MYH10: variants seen among roughly 807,000 people sequenced by gnomAD.
MYH10 encodes the protein myosin-10.
Under a neutral mutation model 257.8 loss-of-function variants are expected in MYH10, and 55 were observed. That is an observed-to-expected ratio of 0.21 (90% CI 0.17 to 0.27). MYH10 has a LOEUF of 0.27. Ranked by LOEUF, MYH10 falls within the 10% of genes least tolerant of loss-of-function variation. The pLI, the probability that MYH10 is intolerant of heterozygous loss-of-function variation, is 1.00. For missense variants in MYH10, 1,631 were observed against 2,500.6 expected (o/e 0.65, Z 7.42); for synonymous variants, 854 against 921.7 (o/e 0.93, Z 1.33).
At position 8,583,422 on chromosome 17, in the gene MYH10, A is replaced by G. The variant is rs184056330; in HGVS notation, c.530+5659T>C. ...ACTAAATAATACCTTTTTTTTTTTA[A>G]CAAGAGGAAAGGCATACAAATTCAT... On this transcript the variant is annotated intron_variant, in intron 4 of 42. Transcript: ENST00000360416. Among the ~76,000 whole-genome samples, 255 of 151,632 alleles carry G rather than the reference A, an allele frequency of 1.7e-3. 1 individual carries two copies. The highest frequency in any genetic ancestry group is 5.8e-3 in the African/African-American group (242 of 41,406).
intron 3 of MYH10, among the ~76,000 whole-genome samples, chr17:8,593,641 G>A (rs377058734): frequency 6.6e-6 from 1 of 152,140 alleles, no homozygotes; most frequent in East Asian, 1.9e-4. Flanking sequence ...TGAAGTATAC[G>A]CAACATCTCT....
chr17:8,599,669 C>T (rs894256744), intron 3 of MYH10, among the ~76,000 whole-genome samples: 1 of 152,228 alleles, frequency 6.6e-6, no homozygotes, highest in African/African-American at 2.4e-5. Context: ...GTGGAAGGAA[C>T]TAACTTTCTT....
rs113331444 is a variant in MYH10 at position 8,545,335 on chromosome 17, G to T, written c.1431+113C>A. The T allele has an allele frequency of 8.7e-7, 1 of 1,148,050 alleles. No individual in the cohort carries two copies. Among genetic ancestry groups the T allele is most frequent in the Non-Finnish European group, 1.3e-6 (1 of 798,120 alleles). 71.1% of individuals were successfully genotyped at this position (1,148,050 alleles called of 1,614,324 possible). On this transcript the variant is annotated intron_variant, in intron 13 of 42. Transcript: ENST00000360416. This position sits in a 1 kb window ranked among gnomAD's most constrained non-coding sequence, Gnocchi z 4.7. The stretch of plus-strand genomic sequence containing the variant: ...TTTATTGTTTGGCTCTACTAGAATG[G>T]CAGGGACTGTATCCCTGGTGCCTCG...
rs867914514 is a variant in MYH10 at position 8,512,937 on chromosome 17, A to C, written c.2746-280T>G. Among the ~76,000 whole-genome samples, 3 of 152,180 alleles carry C rather than the reference A, an allele frequency of 2.0e-5. No homozygotes were observed. In the East Asian group the frequency reaches 5.8e-4, roughly 29 times the overall value. ...TTTACAAGGGACAGATAAATAGGAG[A>C]GTGAAAATATTATTCAAATGCCATA... On this transcript the variant is annotated intron_variant, in intron 23 of 42. Transcript: ENST00000360416.
chr17:8,592,964 T>TATATATATATATAA (rs1567953199), intron 3 of MYH10, among the ~76,000 whole-genome samples: 6 of 119,880 alleles, frequency 5.0e-5, no homozygotes, highest in Middle Eastern at 4.0e-3. Flanking sequence ...TATATATATA[T>TATATATATATATAA]ATATATAAAA....
rs376177985 is a variant in MYH10, at chr17:8,604,192, C to G, written c.502+634G>C. Among the ~76,000 whole-genome samples the G allele has an allele frequency of 1.9e-4, 28 of 150,298 alleles. No homozygotes were observed. In the East Asian group the frequency reaches 2.9e-3, roughly 16 times the overall value. The stretch of plus-strand genomic sequence containing the variant: ...GTTATTACAGAAGATTGGGTTTTCA[C>G]GTAGCACCAGGAACTCCCATGTTTA... On this transcript the variant is annotated intron_variant, in intron 3 of 42. Transcript: ENST00000360416.
intron 2 of MYH10, among the ~76,000 whole-genome samples, chr17:8,615,448 T>C (rs1161044992): frequency 6.6e-6 from 1 of 152,178 alleles, no homozygotes; most frequent in African/African-American, 2.4e-5. Context: ...TCATTTGATA[T>C]AACCAGCATA....
At chr17:8,618,943 C>T (rs760365125) in intron 2 of MYH10, among the ~76,000 whole-genome samples, 2 of 152,136 alleles carry the variant, frequency 1.3e-5, no homozygotes, top group Non-Finnish European at 2.9e-5. Context: ...GTGACAGGCT[C>T]GTTTTGTTCA....
At chr17:8,481,662 C>T (rs77335253) in intron 37 of MYH10, among the ~76,000 whole-genome samples, 1 of 152,164 alleles carries the variant, frequency 6.6e-6, no homozygotes, top group African/African-American at 2.4e-5. Context: ...TTTGCTGTCA[C>T]CTCCAACGTA....
intron 4 of MYH10, 39 bp from the exon 5 acceptor site, chr17:8,577,377 C>A (rs763142299): frequency 7.4e-7 from 1 of 1,345,182 alleles, no homozygotes; most frequent in Admixed American, 1.8e-5. Flanking sequence ...TTAACGAAAG[C>A]ACAGCACATG....
At chr17:8,557,942 C>T (rs1296843513) in intron 7 of MYH10, among the ~76,000 whole-genome samples, 2 of 152,150 alleles carry the variant, frequency 1.3e-5, no homozygotes, top group Admixed American at 1.3e-4. Flanking sequence ...GATTTTATGC[C>T]ATCAAATTTA....
chr17:8,496,561 T>G (rs1288318917), intron 30 of MYH10, among the ~76,000 whole-genome samples: 1 of 152,182 alleles, frequency 6.6e-6, no homozygotes, highest in Non-Finnish European at 1.5e-5. Flanking sequence ...GCCTAGCACA[T>G]GCCTGGTGCA....
Position 8,480,388 on chromosome 17 carries a change from C to T in MYH10, c.5388+14G>A. The T allele has an allele frequency of 1.9e-6, 3 of 1,613,332 alleles. No homozygotes were observed. Among genetic ancestry groups the T allele is most frequent in the Non-Finnish European group, 2.5e-6 (3 of 1,179,716 alleles). ...CACAGCCCTCCCTGGGTGACGGGCTCCTGCATGGGCCACCTGTAGAGTGGT... is the reference window on the plus strand; with the variant it reads ...CACAGCCCTCCCTGGGTGACGGGCTTCTGCATGGGCCACCTGTAGAGTGGT... On this transcript the variant is annotated intron_variant, in intron 39 of 42. Transcript: ENST00000360416.
intron 38 of MYH10, 37 bp from the exon 39 acceptor site, chr17:8,480,562 G>A (rs531632808): frequency 1.3e-6 from 2 of 1,599,836 alleles, no homozygotes; most frequent in Non-Finnish European, 1.7e-6. Flanking sequence ...TTCAATCCCA[G>A]CTCAGCACAG....
chr17:8,601,123 G>A (rs1186820440), intron 3 of MYH10, among the ~76,000 whole-genome samples: 1 of 152,188 alleles, frequency 6.6e-6, no homozygotes, highest in Non-Finnish European at 1.5e-5. Flanking sequence ...GTTACAGCAA[G>A]CAAAACTTTC....
chr17:8,579,759 C>T (rs1362362109), intron 4 of MYH10, among the ~76,000 whole-genome samples: 1 of 152,090 alleles, frequency 6.6e-6, no homozygotes, highest in African/African-American at 2.4e-5. Flanking sequence ...TCAATCTGTA[C>T]TCTCATTTTT....
chr17:8,490,145 A>G lies in MYH10; in HGVS notation c.4884+195T>C, dbSNP rs1915539273. 1 of 547,658 alleles carries G rather than the reference A, an allele frequency of 1.8e-6. No individual in the cohort carries two copies. Among genetic ancestry groups the G allele is most frequent in the East Asian group, 3.2e-5 (1 of 30,838 alleles). 33.9% of individuals were successfully genotyped at this position (547,658 alleles called of 1,614,324 possible). A position where few individuals can be genotyped will look rare whatever the true frequency, so the allele number is the denominator to read the frequency against. ...CTTGTAGGCAGGAATGATACTGAGA[A>G]ATAGTAAGACCTAAACTAATTACAA... On this transcript the variant is annotated intron_variant, in intron 35 of 42. Transcript: ENST00000360416. This position sits in a 1 kb window ranked among gnomAD's most constrained non-coding sequence, Gnocchi z 4.1.
At chr17:8,625,496 T>G (rs1364231218) in intron 1 of MYH10, among the ~76,000 whole-genome samples, 1 of 146,030 alleles carries the variant, frequency 6.8e-6, no homozygotes, top group Non-Finnish European at 1.5e-5. Flanking sequence ...TTTTTTTTTT[T>G]GAGACAGAGT....
chr17:8,615,141 A>C (rs552216803), intron 2 of MYH10, among the ~76,000 whole-genome samples: 34 of 152,234 alleles, frequency 2.2e-4, no homozygotes, highest in Admixed American at 2.2e-3. Context: ...TAAAAAATAC[A>C]GAAATTAGCC....
Sources: gnomAD v4.1 joint callset for allele counts (sites outside exome capture counted in the v4.1 genomes callset) on GRCh38, gnomAD v4.1.1 for gene constraint, Gnocchi (gnomAD v3.1) non-coding constraint, MANE v1.5 for transcripts, NCBI Gene and HGNC (gene_info 2026-07-23, HGNC 2026-07-21) for gene names.